Variants in KCP observed in about 807,000 individuals in gnomAD.
The protein encoded by KCP is kielin cysteine rich BMP regulator, also known as kielin/chordin-like protein.
KCP carries 194 observed loss-of-function variants against 212.7 expected under a neutral mutation model. That is an observed-to-expected ratio of 0.91 (90% CI 0.81 to 1.03). KCP has a LOEUF of 1.03. Ranked by LOEUF, KCP falls within the 50% of genes least tolerant of loss-of-function variation. The pLI is 0.00. For missense variants in KCP, 2,080 were observed against 2,162.5 expected (o/e 0.96, Z 0.76); for synonymous variants, 833 against 865.3 (o/e 0.96, Z 0.65).
intron 22 of KCP, 112 bp from the exon 23 acceptor site, chr7:128,887,412 CACAT>C (rs1221270901): frequency 4.0e-5 from 31 of 772,632 alleles, no homozygotes; most frequent in Middle Eastern, 3.5e-4. Context: ...CACAGACACA[CACAT>C]AGCCACACAC....
chr7:128,904,025 G>C, intron 6 of KCP, 31 bp downstream of exon 6: 8 of 1,534,544 alleles, frequency 5.2e-6, no homozygotes, highest in Non-Finnish European at 7.1e-6. Flanking sequence ...GGGAGGTGCA[G>C]GGCCTGGGCA....
rs187560556 is a variant in KCP at position 128,909,559 on chromosome 7, T to C, written c.77-991A>G. ...AGAAAGCTGGGGCTCAGCTCCCCTA[T>C]TTTGTTGCCTGAGTTGTCCCCTAAT... On this transcript the variant is annotated intron_variant, in intron 1 of 39. Transcript: ENST00000610776. Among the ~76,000 whole-genome samples, 213 of 152,252 alleles carry C rather than the reference T, an allele frequency of 1.4e-3. 1 individual carries two copies. The highest frequency in any genetic ancestry group is 4.4e-3 in the African/African-American group (184 of 41,532).
chr7:128,896,904 A>AAT, intron 8 of KCP, among the ~76,000 whole-genome samples: 1 of 151,630 alleles, frequency 6.6e-6, no homozygotes, highest in South Asian at 2.1e-4. Context: ...AAAAAAAAAA[A>AAT]AAAAAAAAAA....
At chr7:128,886,389 G>A in intron 26 of KCP, 75 bp downstream of exon 26, 1 of 1,246,936 alleles carries the variant, frequency 8.0e-7, no homozygotes, top group Non-Finnish European at 1.1e-6. Flanking sequence ...CTGGCTGAGG[G>A]GAGGGAGGTG....
At chr7:128,906,441 C>T in intron 4 of KCP, 78 bp from the exon 5 acceptor site, 2 of 1,004,520 alleles carry the variant, frequency 2.0e-6, no homozygotes. Context: ...AACCTCAGCC[C>T]AGGCTGGGAC....
intron 8 of KCP, among the ~76,000 whole-genome samples, chr7:128,899,415 A>G (rs1794710756): frequency 6.6e-6 from 1 of 152,240 alleles, no homozygotes; most frequent in Non-Finnish European, 1.5e-5. Context: ...TTTTCTGATA[A>G]CTTTGGAGAT....
At chr7:128,877,839 C>A in intron 38 of KCP, 49 bp from the exon 39 acceptor site, 1 of 1,481,942 alleles carries the variant, frequency 6.7e-7, no homozygotes, top group African/African-American at 1.4e-5. Context: ...GGCAGCTGGC[C>A]TCTGCATGCC....
In KCP at chr7:128,884,106, G is replaced by A. The variant is rs1160030407; in HGVS notation, c.3140C>T (p.Pro1047Leu). The A allele has an allele frequency of 5.8e-6, 9 of 1,544,294 alleles. No individual in the cohort carries two copies. The highest frequency in any genetic ancestry group is 7.0e-6 in the Non-Finnish European group (8 of 1,145,226). Residue 1047 changes from proline (P) to leucine (L), a missense_variant, in exon 29 of 40, where the codon CCT becomes CTT. Pro to Leu is a moderately conservative substitution (Grantham distance 98). Coordinates refer to ENST00000610776, the MANE Select transcript of KCP (RefSeq NM_001366122.1). Reference protein sequence around the residue: ...VCICEPQPEGPPSLRCHRRQC... With the variant: ...VCICEPQPEGLPSLRCHRRQC... ...CCGCCGGTGACAGCGAAGGCTGGGAGGCCCCTCAGGCTGTGGCTACAAGAA... is the reference window on the plus strand; with the variant it reads ...CCGCCGGTGACAGCGAAGGCTGGGAAGCCCCTCAGGCTGTGGCTACAAGAA...
intron 8 of KCP, among the ~76,000 whole-genome samples, chr7:128,896,441 C>G (rs973858832): frequency 1.3e-5 from 2 of 152,110 alleles, no homozygotes; most frequent in Admixed American, 1.3e-4. Flanking sequence ...TTTGGCACTA[C>G]GGGATGTTAA....
At chr7:128,877,872 C>G in intron 38 of KCP, 82 bp from the exon 39 acceptor site, 1 of 1,277,746 alleles carries the variant, frequency 7.8e-7, no homozygotes, top group Non-Finnish European at 1.1e-6. Flanking sequence ...GCACTTCCCA[C>G]CCAGTCATTT....
intron 8 of KCP, among the ~76,000 whole-genome samples, chr7:128,895,085 C>T (rs561802776): frequency 6.6e-6 from 1 of 152,132 alleles, no homozygotes; most frequent in African/African-American, 2.4e-5. Context: ...CAGAAGGAAC[C>T]CTCCCACACC....
chr7:128,891,582 C>CA (rs1563036591), intron 17 of KCP, 49 bp from the exon 18 acceptor site: 2 of 1,527,022 alleles, frequency 1.3e-6, no homozygotes, highest in East Asian at 2.5e-5. Context: ...TGCCCCAGGG[C>CA]GTGCTGCCTT....
chr7:128,901,917 CCT>C (rs1794870924), intron 8 of KCP, among the ~76,000 whole-genome samples: 1 of 152,194 alleles, frequency 6.6e-6, no homozygotes, highest in Admixed American at 6.5e-5. Flanking sequence ...GGTACGTTCC[CCT>C]CTTTTTCCCT....
In KCP at chr7:128,876,907, G is replaced by A. The variant is rs765647490; in HGVS notation, c.*136C>T. 1.9e-5 allele frequency: 19 copies of A among 1,017,742 alleles called. No homozygotes were observed. Among genetic ancestry groups the A allele is most frequent in the East Asian group, 8.9e-5 (3 of 33,650 alleles). 63.0% of individuals were successfully genotyped at this position (1,017,742 alleles called of 1,614,324 possible). A position where few individuals can be genotyped will look rare whatever the true frequency, so the allele number is the denominator to read the frequency against. ...TTTACTGCTGGTGACTCAACATGGC[G>A]GGGGTCTTTGCAGGGCAGGGGCCCA... On this transcript the variant is annotated 3_prime_UTR_variant, in exon 40 of 40. Transcript: ENST00000610776.
At chr7:128,908,901 G>A (rs6467218) in intron 1 of KCP, among the ~76,000 whole-genome samples, 38,757 of 152,074 alleles carry the variant, frequency 0.25, 6,366 homozygotes, top group East Asian at 0.55. Flanking sequence ...AAGGACAACT[G>A]CTCCCGCCCC....
At chr7:128,899,389 T>C (rs1794709292) in intron 8 of KCP, among the ~76,000 whole-genome samples, 1 of 152,216 alleles carries the variant, frequency 6.6e-6, no homozygotes, top group Non-Finnish European at 1.5e-5. Flanking sequence ...CTTCAACAGG[T>C]GCTCTTAAAT....
chr7:128,910,497 G>A, intron 1 of KCP, 104 bp downstream of exon 1: 1 of 1,108,132 alleles, frequency 9.0e-7, no homozygotes, highest in Non-Finnish European at 1.2e-6. Flanking sequence ...CTCAGGCAGG[G>A]CTAAGAGCAG....
At position 128,892,776 on chromosome 7, in the gene KCP, C is replaced by T. The variant is rs1585226535; in HGVS notation, c.1439G>A (p.Cys480Tyr). The T allele has an allele frequency of 1.9e-6, 3 of 1,551,670 alleles. No homozygotes were observed. Among genetic ancestry groups the T allele is most frequent in the Non-Finnish European group, 1.7e-6 (2 of 1,146,942 alleles). Reference protein sequence around the residue: ...TQPPGACCPSCDSCTYHSQVY... With the variant: ...TQPPGACCPSYDSCTYHSQVY... ...TTGGCTGTGGTAGGTGCAGCTGTCA[C>T]AGCTGGGGCAGCAGGCACCTGGGTG... Residue 480 changes from cysteine (C) to tyrosine (Y), a missense_variant, in exon 15 of 40, where the codon TGT becomes TAT. Physicochemically the swap from Cys to Tyr is radical, Grantham distance 194 (BLOSUM62 -2). Transcript: ENST00000610776.
chr7:128,880,606 C>G lies in KCP; in HGVS notation c.3616+13G>C. ...GTCTGGCTTACCCCTCCCCCATCAC[C>G]CTGGCTGCGCACCTTGGCATCGCTC... On this transcript the variant is annotated intron_variant, in intron 33 of 39. Transcript: ENST00000610776. 7.9e-7 allele frequency: 1 copy of G among 1,267,218 alleles called. No individual in the cohort carries two copies. The highest frequency in any genetic ancestry group is 1.0e-6 in the Non-Finnish European group (1 of 970,478). The allele number at this position is 1,267,218 out of a possible 1,614,324, so 78.5% of individuals were successfully genotyped here.
Sources: gnomAD v4.1 joint callset for allele counts (sites outside exome capture counted in the v4.1 genomes callset) on GRCh38, gnomAD v4.1.1 for gene constraint, MANE v1.5 for transcripts, NCBI Gene and HGNC (gene_info 2026-07-23, HGNC 2026-07-21) for gene names.